Variants in CDC123 observed in about 807,000 individuals in gnomAD.
The protein encoded by CDC123 is cell division cycle 123.
In CDC123, 37 loss-of-function variants were observed where a neutral mutation model predicts 54.4. The observed-to-expected ratio is 0.68, with a 90% CI of 0.52 to 0.89. The LOEUF is 0.89. Among genes scored for constraint, CDC123 ranks in the 40% least tolerant of loss-of-function variants. The pLI, the probability that CDC123 is intolerant of heterozygous loss-of-function variation, is 0.00. For synonymous variants in CDC123, 144 were observed against 136.8 expected (o/e 1.05, Z -0.37); for missense variants, 361 against 412.1 (o/e 0.88, Z 1.07).
chr10:12,236,612 A>AT (rs1835979961), intron 8 of CDC123, among the ~76,000 whole-genome samples: 1 of 150,742 alleles, frequency 6.6e-6, no homozygotes, highest in African/African-American at 2.4e-5. Context: ...AAAAAAAAAA[A>AT]GGCCAGGTGC....
chr10:12,213,191 T>G (rs1835625153), intron 4 of CDC123, among the ~76,000 whole-genome samples: 1 of 152,208 alleles, frequency 6.6e-6, no homozygotes, highest in African/African-American at 2.4e-5. Flanking sequence ...TTCACCCAAA[T>G]TACTTACTGT....
chr10:12,238,607 A>T, intron 10 of CDC123, 122 bp downstream of exon 10: 1 of 1,176,844 alleles, frequency 8.5e-7, no homozygotes, highest in Non-Finnish European at 1.2e-6. Context: ...TGGGTGCAGC[A>T]GCTCATGCCT....
chr10:12,235,254 T>A, intron 8 of CDC123, 131 bp downstream of exon 8: 1 of 717,564 alleles, frequency 1.4e-6, no homozygotes, highest in South Asian at 1.6e-5. Context: ...ATGCCACCTC[T>A]AACCAGTTGA....
chr10:12,238,324 G>A (rs1836006066), intron 9 of CDC123, 133 bp from the exon 10 acceptor site: 1 of 962,188 alleles, frequency 1.0e-6, no homozygotes, highest in Non-Finnish European at 1.5e-6. Flanking sequence ...AAGTTTTGAG[G>A]TTTAGAAGCA....
chr10:12,226,949 A>G (rs1015007911), intron 6 of CDC123, among the ~76,000 whole-genome samples: 1 of 151,942 alleles, frequency 6.6e-6, no homozygotes, highest in African/African-American at 2.4e-5. Context: ...ACACCACTGC[A>G]CTCCAGCCTG....
Position 12,210,341 on chromosome 10 carries a change from C to A in CDC123, c.237+19C>A. 6.2e-7 allele frequency: 1 copy of A among 1,614,034 alleles called. No homozygotes were observed. Among genetic ancestry groups the A allele is most frequent in the Non-Finnish European group, 8.5e-7 (1 of 1,179,968 alleles). ...GCTTACGGTAAGAGCACAGCAGACT[C>A]AGCGTGGGGACAGCCTCACACTGTC... On this transcript the variant is annotated intron_variant, in intron 4 of 12. Coordinates refer to ENST00000281141, the MANE Select transcript of CDC123 (RefSeq NM_006023.3).
chr10:12,223,302 T>C (rs1835761693), intron 6 of CDC123, among the ~76,000 whole-genome samples: 1 of 151,936 alleles, frequency 6.6e-6, no homozygotes, highest in Admixed American at 6.6e-5. Flanking sequence ...TATTTTTTTC[T>C]TGAGACAGAG....
chr10:12,224,267 A>T (rs1176121956), intron 6 of CDC123, among the ~76,000 whole-genome samples: 26 of 147,940 alleles, frequency 1.8e-4, no homozygotes, highest in Non-Finnish European at 7.4e-5. Context: ...TAGTTTGGGG[A>T]TAGAATATTT....
chr10:12,231,624 T>G (rs1328501022), intron 7 of CDC123, among the ~76,000 whole-genome samples: 1 of 49,684 alleles, frequency 2.0e-5, no homozygotes, highest in African/African-American at 6.8e-5. Context: ...AAACTCCGTC[T>G]CAAAAAAAAA....
intron 9 of CDC123, 140 bp from the exon 10 acceptor site, chr10:12,238,317 T>A: frequency 1.2e-6 from 1 of 868,362 alleles, no homozygotes; most frequent in East Asian, 3.1e-5. Context: ...ATGTTTGAAG[T>A]TTTGAGGTTT....
chr10:12,210,606 G>A (rs372879804), intron 4 of CDC123, among the ~76,000 whole-genome samples: 4 of 152,146 alleles, frequency 2.6e-5, no homozygotes, highest in East Asian at 1.9e-4. Flanking sequence ...AAGGAATTAC[G>A]CCTAACATTA....
rs1392648076 is a variant in CDC123 at position 12,249,880 on chromosome 10, A to G, written c.984+162A>G. 3.5e-6 allele frequency: 3 copies of G among 865,240 alleles called. No homozygotes were observed. In the East Asian group the frequency reaches 8.5e-5, roughly 24 times the overall value. The allele number at this position is 865,240 out of a possible 1,614,324, so 53.6% of individuals were successfully genotyped here. A position where few individuals can be genotyped will look rare whatever the true frequency, so the allele number is the denominator to read the frequency against. ...AGCATTTTCTAATTAAATATGAAAT[A>G]GGAGCTGAAGGCATAATTTATTGAT... On this transcript the variant is annotated intron_variant, in intron 12 of 12. Transcript: ENST00000281141.
At chr10:12,245,664 G>T (rs11257614) in intron 10 of CDC123, 4,803 of 152,452 alleles carry the variant, frequency 0.032, 185 homozygotes, top group East Asian at 0.2. Flanking sequence ...TTCACAGGGG[G>T]CCCTCCCTTT....
intron 8 of CDC123, among the ~76,000 whole-genome samples, chr10:12,236,599 T>TA (rs534845759): frequency 0.042 from 5,449 of 128,766 alleles, 276 homozygotes; most frequent in South Asian, 0.12. Flanking sequence ...ACACTGTCTC[T>TA]AAAAAAAAAA....
At position 12,233,005 on chromosome 10, in the gene CDC123, C is replaced by T. The variant is rs143243635; in HGVS notation, c.489+2009C>T. On this transcript the variant is annotated intron_variant, in intron 7 of 12. Coordinates refer to ENST00000281141, the MANE Select transcript of CDC123 (RefSeq NM_006023.3). The stretch of plus-strand genomic sequence containing the variant: ...CGTTCTCCTGACCTCGTGATCCGTC[C>T]GCCTCAGCCTCCCAAAGTGCTGGGA... Among the ~76,000 whole-genome samples the T allele has an allele frequency of 2.8e-4, 42 of 151,836 alleles. No homozygotes were observed. The East Asian group carries it at 6.2e-3, about 22-fold the overall frequency.
chr10:12,206,166 G>A (rs1835516429), intron 2 of CDC123, among the ~76,000 whole-genome samples: 1 of 152,174 alleles, frequency 6.6e-6, no homozygotes, highest in Admixed American at 6.5e-5. Flanking sequence ...TTTACAGTAG[G>A]CACTGCAATA....
intron 10 of CDC123, among the ~76,000 whole-genome samples, chr10:12,241,979 G>GC (rs1015698143): frequency 2.6e-5 from 4 of 151,950 alleles, no homozygotes; most frequent in Admixed American, 6.6e-5. Flanking sequence ...CTTGTTTCTG[G>GC]CCCCGGGGGA....
At chr10:12,209,625 A>G (rs1835568876) in intron 2 of CDC123, among the ~76,000 whole-genome samples, 1 of 152,124 alleles carries the variant, frequency 6.6e-6, no homozygotes, top group Admixed American at 6.5e-5. Flanking sequence ...CAGTGGCACG[A>G]TCTTAACTCA....
At position 12,250,426 on chromosome 10, in the gene CDC123, G is replaced by A. The variant is rs779963883; in HGVS notation, c.*89G>A. 16 of 1,000,778 alleles carry A rather than the reference G, an allele frequency of 1.6e-5. No homozygotes were observed. The highest frequency in any genetic ancestry group is 7.2e-5 in the East Asian group (3 of 41,956). The allele number at this position is 1,000,778 out of a possible 1,614,324, so 62.0% of individuals were successfully genotyped here. A position where few individuals can be genotyped will look rare whatever the true frequency, so the allele number is the denominator to read the frequency against. On this transcript the variant is annotated 3_prime_UTR_variant, in exon 13 of 13. Transcript: ENST00000281141. ...CGCAACTTCCTGCCGACCCTGATGC[G>A]GGTGGGCCGAGCAGTGTGGACATCA...
Sources: allele counts gnomAD v4.1 joint callset (sites outside exome capture counted in the v4.1 genomes callset), GRCh38; gene constraint gnomAD v4.1.1; transcripts MANE v1.5; gene names NCBI Gene and HGNC (gene_info 2026-07-23, HGNC 2026-07-21).